NF2: variants seen among roughly 807,000 people sequenced by gnomAD.
The protein encoded by NF2 is NF2, moesin-ezrin-radixin like (MERLIN) tumor suppressor.
Under a neutral mutation model 83.7 loss-of-function variants are expected in NF2, and 8 were observed. The observed-to-expected ratio is 0.10, with a 90% CI of 0.06 to 0.17. NF2 has a LOEUF of 0.17. Ranked by LOEUF, NF2 falls within the 10% of genes least tolerant of loss-of-function variation. The pLI is 1.00. For synonymous variants in NF2, 266 were observed against 269.6 expected, an observed-to-expected ratio of 0.99 and a Z score of 0.13; for missense variants, 533 against 744.4, an observed-to-expected ratio of 0.72 and a Z score of 3.31.
At chr22:29,613,702 G>A (rs751259665) in intron 1 of NF2, among the ~76,000 whole-genome samples, 22 of 152,024 alleles carry the variant, frequency 1.4e-4, no homozygotes, top group Non-Finnish European at 2.8e-4. Flanking sequence ...GAACTGTCTT[G>A]TCTTGTCTTT....
intron 1 of NF2, among the ~76,000 whole-genome samples, chr22:29,627,329 G>A (rs1397034527): frequency 6.6e-6 from 1 of 152,164 alleles, no homozygotes; most frequent in Non-Finnish European, 1.5e-5. Context: ...ATAGCTGTTT[G>A]ACTATATGAG....
chr22:29,643,766 C>T (rs2065883061), intron 4 of NF2, among the ~76,000 whole-genome samples: 2 of 152,210 alleles, frequency 1.3e-5, no homozygotes, highest in Admixed American at 1.3e-4. Context: ...TCCACAAAGC[C>T]GCCATTGTCA....
At chr22:29,665,905 T>C (rs2066609494) in intron 9 of NF2, among the ~76,000 whole-genome samples, 1 of 152,210 alleles carries the variant, frequency 6.6e-6, no homozygotes, top group South Asian at 2.1e-4. Context: ...ATCATCCTCT[T>C]GCTTTTCAAC....
At chr22:29,656,825 C>T (rs559136838) in intron 6 of NF2, among the ~76,000 whole-genome samples, 5 of 151,702 alleles carry the variant, frequency 3.3e-5, no homozygotes, top group Admixed American at 2.6e-4. Context: ...ACATGCCTGT[C>T]GACAAGTGTT....
intron 1 of NF2, among the ~76,000 whole-genome samples, chr22:29,633,719 G>T (rs1021041510): frequency 2.6e-5 from 4 of 152,146 alleles, no homozygotes; most frequent in African/African-American, 9.7e-5. Context: ...ATGACTTGCA[G>T]TTTCCTGTAG....
intron 1 of NF2, among the ~76,000 whole-genome samples, chr22:29,604,912 A>C (rs2064746211): frequency 6.6e-6 from 1 of 152,210 alleles, no homozygotes; most frequent in Non-Finnish European, 1.5e-5. Context: ...AAGCAGCCTT[A>C]GATAAGATCA....
chr22:29,607,100 G>A (rs1020414747), intron 1 of NF2, among the ~76,000 whole-genome samples: 3 of 152,064 alleles, frequency 2.0e-5, no homozygotes, highest in African/African-American at 7.2e-5. Flanking sequence ...CTCCTGTCCT[G>A]GTTGTATCAT....
intron 15 of NF2, chr22:29,683,632 A>G (rs951521933): frequency 6.4e-6 from 7 of 1,090,764 alleles, no homozygotes; most frequent in Non-Finnish European, 7.8e-6. Context: ...CCCAGAGCAC[A>G]GGGTCTGATA....
intron 1 of NF2, among the ~76,000 whole-genome samples, chr22:29,633,048 C>G (rs776830202): frequency 9.2e-5 from 14 of 152,046 alleles, no homozygotes; most frequent in Non-Finnish European, 1.0e-4. Flanking sequence ...GAAGTAGAAA[C>G]CCAAATTAGG....
intron 1 of NF2, 71 bp downstream of exon 1, chr22:29,604,183 A>C (rs1398592354): frequency 3.2e-5 from 39 of 1,228,446 alleles, no homozygotes; most frequent in Non-Finnish European, 4.3e-5. Flanking sequence ...TCTTTATATC[A>C]TCTTATGGGT....
chr22:29,608,909 G>C (rs1422116383), intron 1 of NF2: 1 of 538,488 alleles, frequency 1.9e-6, no homozygotes, highest in Non-Finnish European at 3.4e-6. Flanking sequence ...TATGGCATCG[G>C]GCTGCAAGAT....
At chr22:29,621,626 A>G (rs1240290179) in intron 1 of NF2, among the ~76,000 whole-genome samples, 1 of 152,008 alleles carries the variant, frequency 6.6e-6, no homozygotes, top group African/African-American at 2.4e-5. Context: ...TCCTGATTGC[A>G]CCACTGCACT....
chr22:29,626,609 G>A (rs1395241637), intron 1 of NF2, among the ~76,000 whole-genome samples: 1 of 152,204 alleles, frequency 6.6e-6, no homozygotes, highest in African/African-American at 2.4e-5. Flanking sequence ...AAACATCTGG[G>A]TTCAATAGAA....
chr22:29,695,545 GACC>G lies in NF2; in HGVS notation c.*745_*747del. ...TCGCTGTCCCCCTCCGGCCACCCTA[GACC>G]AGGGTCCGAGAGGCAGGCAGGAGCC... On this transcript the variant is annotated 3_prime_UTR_variant, in exon 16 of 16. Transcript: ENST00000338641. This position sits in a 1 kb window ranked among gnomAD's most constrained non-coding sequence, Gnocchi z 5.4. 2 of 236,416 alleles carry G rather than the reference GACC, an allele frequency of 8.5e-6. No homozygotes were observed. The highest frequency in any genetic ancestry group is 1.7e-5 in the Non-Finnish European group (2 of 120,046). The allele number at this position is 236,416 out of a possible 1,614,324, so 14.6% of individuals were successfully genotyped here.
chr22:29,676,390 G>A (rs570261730), intron 13 of NF2, among the ~76,000 whole-genome samples: 9 of 152,070 alleles, frequency 5.9e-5, no homozygotes, highest in African/African-American at 2.2e-4. Flanking sequence ...TGCCACAGCT[G>A]GTCTCAAACT....
intron 15 of NF2, among the ~76,000 whole-genome samples, chr22:29,685,944 G>T (rs1004630063): frequency 6.7e-6 from 1 of 150,220 alleles, no homozygotes; most frequent in Admixed American, 6.6e-5. Context: ...ATTCTTACTC[G>T]CTCGCTCTCT....
At chr22:29,659,798 T>C (rs2066423359) in intron 7 of NF2, among the ~76,000 whole-genome samples, 1 of 152,200 alleles carries the variant, frequency 6.6e-6, no homozygotes, top group Non-Finnish European at 1.5e-5. Context: ...AAACATCTCA[T>C]TTTCCAAAAT....
rs868398789 is a variant in NF2, at chr22:29,643,939, C to T, written c.447+1654C>T. ...GGGGGGCTGACCCCCCAACCTCCCT[C>T]CCGGACGGGGCGGCTGGCCTGGCGG... On this transcript the variant is annotated intron_variant, in intron 4 of 15. Transcript: ENST00000338641. Among the ~76,000 whole-genome samples, 856 of 132,476 alleles carry T rather than the reference C, an allele frequency of 6.5e-3. 7 individuals are homozygous for T. Among genetic ancestry groups the T allele is most frequent in the Non-Finnish European group, 0.011 (666 of 58,720 alleles). 86.9% of individuals were successfully genotyped at this position (132,476 alleles called of 152,430 possible).
chr22:29,651,642 C>T (rs1445168927), intron 4 of NF2, among the ~76,000 whole-genome samples: 4 of 152,172 alleles, frequency 2.6e-5, no homozygotes, highest in African/African-American at 9.7e-5. Context: ...TAAGAGCAGA[C>T]ACATACATCA....
Sources: allele counts gnomAD v4.1 joint callset (sites outside exome capture counted in the v4.1 genomes callset), GRCh38; gene constraint gnomAD v4.1.1; non-coding constraint Gnocchi (gnomAD v3.1); transcripts MANE v1.5; gene names NCBI Gene and HGNC (gene_info 2026-07-23, HGNC 2026-07-21).